The following NKAIN3 variants were observed in gnomAD, a reference collection of about 807,000 sequenced individuals.
NKAIN3 encodes the protein sodium/potassium transporting ATPase interacting 3.
In NKAIN3, 25 loss-of-function variants were observed where a neutral mutation model predicts 30.2. The observed-to-expected ratio is 0.83, with a 90% confidence interval of 0.60 to 1.16. The LOEUF is 1.16. Ranked by LOEUF, NKAIN3 falls within the 50% of genes most tolerant of loss-of-function variation. NKAIN3 has a pLI of 0.00. For missense variants in NKAIN3, 225 were observed against 254.1 expected (o/e 0.89, Z 0.78); for synonymous variants, 91 against 89.6 (o/e 1.02, Z -0.09).
At chr8:62,843,350 T>A (rs532774065) in intron 4 of NKAIN3, among the ~76,000 whole-genome samples, 62 of 151,878 alleles carry the variant, frequency 4.1e-4, no homozygotes, top group East Asian at 9.7e-4. Flanking sequence ...TTATTTATTT[T>A]TTTTGAGACA....
chr8:62,967,666 A>C lies in NKAIN3; in HGVS notation c.*2259A>C, dbSNP rs554373662. Among the ~76,000 whole-genome samples the C allele has an allele frequency of 6.6e-6, 1 of 152,334 alleles. No homozygotes were observed. Among genetic ancestry groups the C allele is most frequent in the African/African-American group, 2.4e-5 (1 of 41,582 alleles). The stretch of plus-strand genomic sequence containing the variant: ...TATTCAAGTTCCAAAACTAATGCCA[A>C]TAATTATTGTTAGTATTGTTACGAT... On this transcript the variant is annotated 3_prime_UTR_variant, in exon 7 of 7. Transcript: ENST00000623646.
At chr8:62,991,704 G>A (rs17193790) in intron 5 of NKAIN3, among the ~76,000 whole-genome samples, 16,160 of 152,192 alleles carry the variant, frequency 0.11, 897 homozygotes, top group South Asian at 0.17. Context: ...AGACTTACAT[G>A]AACTGAAATA....
At position 62,971,952 on chromosome 8, in the gene NKAIN3, G is replaced by A. The variant is rs11985904; in HGVS notation, c.*6545G>A. Among the ~76,000 whole-genome samples, 16,141 of 152,056 alleles carry A rather than the reference G, an allele frequency of 0.11. 895 individuals carry two copies. Among genetic ancestry groups the A allele is most frequent in the South Asian group, 0.17 (817 of 4,810 alleles). The stretch of plus-strand genomic sequence containing the variant: ...AGGTTTCCCATAATTTTGCAGACAG[G>A]TTTAGCTTTTCTTCTCTAGAATTGA... On this transcript the variant is annotated 3_prime_UTR_variant, in exon 7 of 7. Coordinates refer to ENST00000623646, the MANE Select transcript of NKAIN3 (RefSeq NM_001304533.3).
intron 3 of NKAIN3, among the ~76,000 whole-genome samples, chr8:62,716,908 C>G (rs960384036): frequency 2.0e-5 from 3 of 151,984 alleles, no homozygotes; most frequent in Non-Finnish European, 4.4e-5. Context: ...CTAACCTGGG[C>G]AACATAGCAA....
intron 1 of NKAIN3, among the ~76,000 whole-genome samples, chr8:62,379,447 A>T (rs1422099297): frequency 1.3e-5 from 2 of 152,150 alleles, no homozygotes; most frequent in African/African-American, 4.8e-5. Context: ...GGTTTGGCTT[A>T]GTGTCCCCAC....
intron 1 of NKAIN3, among the ~76,000 whole-genome samples, chr8:62,273,428 G>T (rs889631814): frequency 6.6e-6 from 1 of 152,106 alleles, no homozygotes; most frequent in Non-Finnish European, 1.5e-5. Context: ...CCTTAAAAAG[G>T]CCCTATACCA....
chr8:62,361,322 A>T (rs2351676), intron 1 of NKAIN3, among the ~76,000 whole-genome samples: 147,857 of 152,366 alleles, frequency 0.97, 71,794 homozygotes, highest in East Asian at 1. Flanking sequence ...TTGCCTTTGA[A>T]GTTTATATTT....
At chr8:62,988,602 C>T (rs980331455), downstream of NKAIN3, among the ~76,000 whole-genome samples, 8 of 152,220 alleles carry the variant, frequency 5.3e-5, no homozygotes, top group African/African-American at 1.9e-4. Context: ...GCTGGAGCTG[C>T]TGGTAGGCAG....
intron 1 of NKAIN3, among the ~76,000 whole-genome samples, chr8:62,384,354 A>G (rs1341105353): frequency 1.3e-5 from 2 of 152,196 alleles, no homozygotes; most frequent in Admixed American, 6.5e-5. Context: ...TTGACTTTGA[A>G]TGATGCCATC....
chr8:62,434,345 A>T (rs144030455), intron 1 of NKAIN3, among the ~76,000 whole-genome samples: 1 of 152,148 alleles, frequency 6.6e-6, no homozygotes, highest in African/African-American at 2.4e-5. Context: ...AGCTTAGAGT[A>T]ATCAGGGAAC....
At chr8:62,315,358 T>G (rs1814584402) in intron 1 of NKAIN3, among the ~76,000 whole-genome samples, 1 of 152,194 alleles carries the variant, frequency 6.6e-6, no homozygotes, top group African/African-American at 2.4e-5. Context: ...GTCTTTATTT[T>G]AATTTCCAGG....
At chr8:62,728,638 C>T (rs1815340770) in intron 3 of NKAIN3, among the ~76,000 whole-genome samples, 1 of 151,536 alleles carries the variant, frequency 6.6e-6, no homozygotes, top group African/African-American at 2.4e-5. Flanking sequence ...GCACTCCAGC[C>T]TGGGCGACAA....
intron 4 of NKAIN3, among the ~76,000 whole-genome samples, chr8:62,901,556 T>C (rs1487087053): frequency 6.6e-6 from 1 of 152,188 alleles, no homozygotes; most frequent in Non-Finnish European, 1.5e-5. Context: ...TAATTTTGAC[T>C]CTTGTGCAAG....
intron 5 of NKAIN3, among the ~76,000 whole-genome samples, chr8:62,994,957 A>G (rs1790335372): frequency 6.6e-6 from 1 of 152,210 alleles, no homozygotes; most frequent in African/African-American, 2.4e-5. Context: ...TAAATTTGTC[A>G]TTTGGGATCT....
intron 3 of NKAIN3, among the ~76,000 whole-genome samples, chr8:62,677,837 C>T (rs958005085): frequency 1.3e-5 from 2 of 152,190 alleles, no homozygotes. Flanking sequence ...CATGGTGCTA[C>T]ACTTGAAGAT....
intron 1 of NKAIN3, among the ~76,000 whole-genome samples, chr8:62,441,484 C>T (rs1367525703): frequency 1.3e-5 from 2 of 151,864 alleles, no homozygotes; most frequent in African/African-American, 4.8e-5. Context: ...GCATTGTTTA[C>T]ACAACTATTA....
intron 1 of NKAIN3, among the ~76,000 whole-genome samples, chr8:62,305,191 T>A (rs928751642): frequency 2.7e-5 from 4 of 150,178 alleles, no homozygotes; most frequent in Non-Finnish European, 5.9e-5. Context: ...TTTTTTTTTG[T>A]CTTTCAACCC....
chr8:62,959,756 A>G (rs1022548986), intron 6 of NKAIN3, among the ~76,000 whole-genome samples: 1 of 152,126 alleles, frequency 6.6e-6, no homozygotes, highest in African/African-American at 2.4e-5. Flanking sequence ...TGTTCCCACT[A>G]CTAAGGGTGG....
chr8:62,471,069 C>A (rs936167012), intron 1 of NKAIN3, among the ~76,000 whole-genome samples: 1 of 151,936 alleles, frequency 6.6e-6, no homozygotes, highest in Non-Finnish European at 1.5e-5. Context: ...TGGATAGACA[C>A]CCATAAAAAG....
Sources: gnomAD v4.1 joint callset for allele counts (sites outside exome capture counted in the v4.1 genomes callset) on GRCh38, gnomAD v4.1.1 for gene constraint, MANE v1.5 for transcripts, NCBI Gene and HGNC (gene_info 2026-07-23, HGNC 2026-07-21) for gene names.